Variants in GSR observed in about 807,000 individuals in gnomAD.
The protein encoded by GSR is glutathione reductase, mitochondrial.
In GSR, 48 loss-of-function variants were observed where a neutral mutation model predicts 56.5. The observed-to-expected ratio is 0.85, with a 90% CI of 0.67 to 1.08. The LOEUF is 1.08. GSR is among the 50% of genes least tolerant of loss of function. The pLI is 0.00. For missense variants in GSR, 694 were observed against 703.3 expected (o/e 0.99, Z 0.15); for synonymous variants, 264 against 270.8 (o/e 0.97, Z 0.25).
chr8:30,719,530 C>T (rs1008592984), intron 1 of GSR, among the ~76,000 whole-genome samples: 2 of 151,758 alleles, frequency 1.3e-5, no homozygotes, highest in African/African-American at 2.4e-5. Flanking sequence ...GGATAACAGG[C>T]GTGAGCCACC....
At chr8:30,722,502 G>T (rs1248086192) in intron 1 of GSR, among the ~76,000 whole-genome samples, 1 of 112,834 alleles carries the variant, frequency 8.9e-6, no homozygotes, top group Non-Finnish European at 2.1e-5. Flanking sequence ...AAGGTGGGAG[G>T]ACTGCTTGAG....
intron 1 of GSR, among the ~76,000 whole-genome samples, chr8:30,713,729 T>C (rs1337332256): frequency 6.6e-6 from 1 of 152,208 alleles, no homozygotes; most frequent in Non-Finnish European, 1.5e-5. Flanking sequence ...TCTGTCAGAT[T>C]GGCAAAAATT....
At chr8:30,722,480 C>A (rs1804571923) in intron 1 of GSR, among the ~76,000 whole-genome samples, 1 of 152,032 alleles carries the variant, frequency 6.6e-6, no homozygotes, top group African/African-American at 2.4e-5. Context: ...AATCCCAGCA[C>A]TTTGAGAGGC....
chr8:30,683,758 A>AG (rs1222743285), intron 10 of GSR, among the ~76,000 whole-genome samples: 1 of 151,158 alleles, frequency 6.6e-6, no homozygotes, highest in Admixed American at 6.6e-5. Context: ...TGTCTCCAAA[A>AG]AAAAAAAAAA....
intron 2 of GSR, 58 bp downstream of exon 2, chr8:30,712,004 A>G (rs1232227549): frequency 1.5e-5 from 14 of 951,136 alleles, no homozygotes; most frequent in Non-Finnish European, 2.4e-5. Flanking sequence ...TCTGATTTTG[A>G]TTATGATTTA....
rs1802812964 is a variant in GSR, at chr8:30,678,323, C to T, written c.*1197G>A. 1 of 147,388 alleles carries T rather than the reference C, an allele frequency of 6.8e-6. No individual in the cohort carries two copies. The highest frequency in any genetic ancestry group is 2.1e-4 in the South Asian group (1 of 4,720). The allele number at this position is 147,388 out of a possible 1,614,324, so 9.1% of individuals were successfully genotyped here. A position where few individuals can be genotyped will look rare whatever the true frequency, so the allele number is the denominator to read the frequency against. Reference sequence around the variant, plus strand: ...TCAAATCTTTCCCAAGTTTGATGCACTTCACCTCATAAAAATAATATATAT... The same window carrying T: ...TCAAATCTTTCCCAAGTTTGATGCATTTCACCTCATAAAAATAATATATAT... On this transcript the variant is annotated 3_prime_UTR_variant, in exon 13 of 13. Transcript: ENST00000221130.
At chr8:30,707,914 G>A (rs538250247) in intron 4 of GSR, among the ~76,000 whole-genome samples, 158 bp downstream of exon 4, 25 of 150,878 alleles carry the variant, frequency 1.7e-4, no homozygotes, top group Admixed American at 7.3e-4. Context: ...CCGAGATTGC[G>A]CCCCTGCACT....
At chr8:30,689,093 G>C (rs1326633129) in intron 9 of GSR, 68 bp downstream of exon 9, 2 of 1,431,604 alleles carry the variant, frequency 1.4e-6, no homozygotes, top group African/African-American at 2.8e-5. Context: ...TGGGTGTCTG[G>C]GGGGAAAATA....
chr8:30,710,759 AG>A lies in GSR; in HGVS notation c.334-858del, dbSNP rs1435711437. On this transcript the variant is annotated intron_variant, in intron 2 of 12. Coordinates refer to ENST00000221130, the MANE Select transcript of GSR (RefSeq NM_000637.5). ...AAAAAAAAAAAAGAAAAGAAAAAAA[AG>A]AAAAAAAAATATATAAATGAACATA... is the stretch of plus-strand genomic sequence containing the variant. Among the ~76,000 whole-genome samples the A allele has an allele frequency of 1.3e-3, 135 of 103,640 alleles. 2 individuals carry two copies. The highest frequency in any genetic ancestry group is 4.9e-3 in the East Asian group (20 of 4,100). The allele number at this position is 103,640 out of a possible 152,430, so 68.0% of individuals were successfully genotyped here. A position where few individuals can be genotyped will look rare whatever the true frequency, so the allele number is the denominator to read the frequency against.
chr8:30,693,783 C>T (rs1803465479), intron 7 of GSR, among the ~76,000 whole-genome samples: 1 of 152,186 alleles, frequency 6.6e-6, no homozygotes. Flanking sequence ...CCCACCTAGG[C>T]CTCCCAAAGT....
intron 2 of GSR, among the ~76,000 whole-genome samples, chr8:30,710,113 C>T (rs1393753888): frequency 3.3e-5 from 5 of 151,894 alleles, no homozygotes; most frequent in Admixed American, 2.6e-4. Flanking sequence ...GTCAAGAGTT[C>T]GGGACCAGCC....
rs574025805 is a variant in GSR, at chr8:30,711,309, A to G, written c.333+753T>C. On this transcript the variant is annotated intron_variant, in intron 2 of 12. Transcript: ENST00000221130. ...ATGAGTGGTAAAATTCTTTGCAAGT[A>G]TAAGCAAGAGGCAGCTTTACAAATA... 2.6e-5 allele frequency among the ~76,000 whole-genome samples: 4 copies of G among 152,354 alleles called. No homozygotes were observed. The South Asian group carries it at 8.3e-4, about 32-fold the overall frequency.
chr8:30,701,660 G>A (rs1803745069), intron 5 of GSR, among the ~76,000 whole-genome samples: 2 of 151,244 alleles, frequency 1.3e-5, no homozygotes, highest in Non-Finnish European at 1.5e-5. Flanking sequence ...GGACATGGTG[G>A]TATGTGCCTG....
intron 1 of GSR, among the ~76,000 whole-genome samples, chr8:30,722,731 C>CA (rs200083922): frequency 2.3e-4 from 26 of 112,650 alleles, no homozygotes; most frequent in African/African-American, 1.0e-3. Flanking sequence ...GACCCTGTCT[C>CA]AAAAAAAAAA....
At chr8:30,689,988 ATATG>A (rs1228375690) in intron 8 of GSR, among the ~76,000 whole-genome samples, 6 of 123,206 alleles carry the variant, frequency 4.9e-5, no homozygotes, top group African/African-American at 1.6e-4. Context: ...AAATGTATAT[ATATG>A]TATATTTATA....
chr8:30,708,174 A>G (rs369199377), intron 3 of GSR, 33 bp from the exon 4 acceptor site: 4 of 1,482,998 alleles, frequency 2.7e-6, no homozygotes, highest in Admixed American at 3.3e-5. Flanking sequence ...ATTCAGAAAC[A>G]GGATCTTCCC....
chr8:30,679,305 T>C lies in GSR; in HGVS notation c.*215A>G. On this transcript the variant is annotated 3_prime_UTR_variant, in exon 13 of 13. Coordinates refer to ENST00000221130, the MANE Select transcript of GSR (RefSeq NM_000637.5). ...AAAAAAACTTGAAAATATTAATTACTGTGAGATGTGATCAAATGAAAATCA... is the reference window on the plus strand; with the variant it reads ...AAAAAAACTTGAAAATATTAATTACCGTGAGATGTGATCAAATGAAAATCA... 1.7e-6 allele frequency: 1 copy of C among 588,548 alleles called. No homozygotes were observed. The highest frequency in any genetic ancestry group is 3.0e-6 in the Non-Finnish European group (1 of 334,058). The allele number at this position is 588,548 out of a possible 1,614,324, so 36.5% of individuals were successfully genotyped here.
chr8:30,707,413 C>T (rs1478282160), intron 4 of GSR, among the ~76,000 whole-genome samples: 1 of 152,024 alleles, frequency 6.6e-6, no homozygotes, highest in Non-Finnish European at 1.5e-5. Flanking sequence ...GGCACAGTGG[C>T]TCATCTCTAT....
intron 5 of GSR, among the ~76,000 whole-genome samples, chr8:30,701,131 C>T (rs1195144347): frequency 6.6e-6 from 1 of 152,158 alleles, no homozygotes; most frequent in Non-Finnish European, 1.5e-5. Context: ...CTGCTGATTC[C>T]TTCTCTCTGT....
Sources: allele counts gnomAD v4.1 joint callset (sites outside exome capture counted in the v4.1 genomes callset), GRCh38; gene constraint gnomAD v4.1.1; transcripts MANE v1.5; gene names NCBI Gene and HGNC (gene_info 2026-07-23, HGNC 2026-07-21).